The following TOX3 variants were observed in gnomAD, a reference collection of about 807,000 sequenced individuals.
TOX3 encodes the protein CAG trinucleotide repeat-containing gene F9 protein.
Under a neutral mutation model 64.3 loss-of-function variants are expected in TOX3, and 22 were observed. The ratio of observed to expected loss-of-function variants is 0.34; its 90% confidence interval spans 0.24 to 0.49. The LOEUF is 0.49. Ranked by LOEUF, TOX3 falls within the 20% of genes least tolerant of loss-of-function variation. TOX3 has a pLI of 0.99. For missense variants in TOX3, 661 were observed against 714.4 expected (o/e 0.93, Z 0.85); for synonymous variants, 291 against 273.6 (o/e 1.06, Z -0.63).
intron 1 of TOX3, among the ~76,000 whole-genome samples, chr16:52,525,596 G>A (rs1230382939): frequency 6.6e-6 from 1 of 152,150 alleles, no homozygotes; most frequent in Non-Finnish European, 1.5e-5. Flanking sequence ...ACTAAAAAGA[G>A]GGGCTCATCT....
At chr16:52,470,095 A>T (rs1960995746) in intron 1 of TOX3, among the ~76,000 whole-genome samples, 1 of 152,242 alleles carries the variant, frequency 6.6e-6, no homozygotes, top group Non-Finnish European at 1.5e-5. Context: ...GATATCAGAA[A>T]CATGTGCATG....
chr16:52,512,526 G>A (rs560204971), intron 1 of TOX3, among the ~76,000 whole-genome samples: 61 of 152,346 alleles, frequency 4.0e-4, no homozygotes, highest in African/African-American at 1.3e-3. Context: ...ATGTGCTTAA[G>A]ATGCAGTTAG....
At chr16:52,477,303 A>G (rs1416011822) in intron 1 of TOX3, among the ~76,000 whole-genome samples, 4 of 152,222 alleles carry the variant, frequency 2.6e-5, no homozygotes, top group African/African-American at 9.6e-5. Flanking sequence ...TTGAAGGCTA[A>G]CCTAAATATT....
intron 1 of TOX3, among the ~76,000 whole-genome samples, chr16:52,518,650 A>G (rs998036244): frequency 2.6e-5 from 4 of 152,262 alleles, no homozygotes; most frequent in African/African-American, 9.6e-5. Flanking sequence ...TCAGCAATGT[A>G]TTTCTTAAAT....
In TOX3 at chr16:52,446,137, G is replaced by C. The variant is rs749427716; in HGVS notation, c.763C>G (p.Pro255Ala). 6.2e-7 allele frequency: 1 copy of C among 1,613,954 alleles called. No homozygotes were observed. The highest frequency in any genetic ancestry group is 2.2e-5 in the East Asian group (1 of 44,878). The part of the protein sequence containing the change: ...KKKKKKDPNE[P>A]QKPVSAYALF... ...GCATATGCTGACACTGGCTTCTGTG[G>C]CTCATTGGGATCTTTCTTTTTCTTT... The change falls in exon 5 of 7, where the codon CCA becomes GCA. Residue 255 changes from proline (P) to alanine (A), a missense_variant. Pro to Ala is a conservative substitution (Grantham distance 27). Transcript: ENST00000219746.
At chr16:52,443,737 C>T (rs904805371) in intron 6 of TOX3, among the ~76,000 whole-genome samples, 1 of 152,134 alleles carries the variant, frequency 6.6e-6, no homozygotes, top group Non-Finnish European at 1.5e-5. Context: ...TATTTTATAA[C>T]ACACCAGGGT....
At chr16:52,464,428 T>G (rs1437743270) in intron 2 of TOX3, among the ~76,000 whole-genome samples, 2 of 152,196 alleles carry the variant, frequency 1.3e-5, no homozygotes, top group Middle Eastern at 6.3e-3. Flanking sequence ...ATTAACAGTT[T>G]TTTAATGCCT....
At chr16:52,509,473 A>C (rs531515584) in intron 1 of TOX3, among the ~76,000 whole-genome samples, 11 of 152,376 alleles carry the variant, frequency 7.2e-5, no homozygotes, top group African/African-American at 2.2e-4. Context: ...TCTTCAGCAT[A>C]GTTCTAAAAG....
chr16:52,482,355 T>C (rs1437027257), intron 1 of TOX3, among the ~76,000 whole-genome samples: 2 of 152,206 alleles, frequency 1.3e-5, no homozygotes, highest in Non-Finnish European at 2.9e-5. Context: ...GATGTGATTA[T>C]ACAGCAATTT....
chr16:52,443,757 ACT>A (rs1960075091), intron 6 of TOX3, among the ~76,000 whole-genome samples: 1 of 152,066 alleles, frequency 6.6e-6, no homozygotes, highest in Non-Finnish European at 1.5e-5. Context: ...TCCACTGTAT[ACT>A]CTCTATATAA....
chr16:52,495,162 T>C (rs1442724043), intron 1 of TOX3, among the ~76,000 whole-genome samples: 1 of 152,160 alleles, frequency 6.6e-6, no homozygotes. Context: ...GACAAAGCAA[T>C]GTAACAAAAC....
At chr16:52,536,834 G>GT (rs1962959432) in intron 1 of TOX3, among the ~76,000 whole-genome samples, 1 of 150,194 alleles carries the variant, frequency 6.7e-6, no homozygotes, top group Non-Finnish European at 1.5e-5. Flanking sequence ...GAAGTGCAGT[G>GT]GTGTGTGTGT....
chr16:52,457,074 G>T (rs1029122514), intron 3 of TOX3, among the ~76,000 whole-genome samples: 2 of 152,094 alleles, frequency 1.3e-5, no homozygotes, highest in Admixed American at 6.5e-5. Context: ...GATAAAACTT[G>T]CTCTAATTTC....
intron 1 of TOX3, among the ~76,000 whole-genome samples, chr16:52,485,054 C>T (rs78593025): frequency 0.42 from 48,490 of 115,854 alleles, 8,446 homozygotes; most frequent in African/African-American, 0.56. Context: ...TATATATATA[C>T]ACACACACAA....
intron 4 of TOX3, 141 bp downstream of exon 4, chr16:52,450,136 A>G: frequency 9.7e-7 from 1 of 1,026,050 alleles, no homozygotes; most frequent in Non-Finnish European, 1.4e-6. Flanking sequence ...AAGAGTGAAG[A>G]AAAACAACAA....
rs527826267 is a variant in TOX3 at position 52,497,263 on chromosome 16, G to A, written c.88-28689C>T. On this transcript the variant is annotated intron_variant, in intron 1 of 6. Transcript: ENST00000219746. Reference sequence around the variant, plus strand: ...TTATTGTTTGTACAACTGTAACTAAGTACATTACCAACCAGTTGTTCAATC... The same window carrying A: ...TTATTGTTTGTACAACTGTAACTAAATACATTACCAACCAGTTGTTCAATC... Among the ~76,000 whole-genome samples, 4 of 152,258 alleles carry A rather than the reference G, an allele frequency of 2.6e-5. No homozygotes were observed. The East Asian group carries it at 7.7e-4, about 29-fold the overall frequency.
At chr16:52,479,489 T>C (rs904062880) in intron 1 of TOX3, among the ~76,000 whole-genome samples, 1 of 152,196 alleles carries the variant, frequency 6.6e-6, no homozygotes, top group Non-Finnish European at 1.5e-5. Context: ...TGAGGCATAA[T>C]TTTCAGAAGG....
At chr16:52,487,995 G>C (rs867667493) in intron 1 of TOX3, among the ~76,000 whole-genome samples, 3 of 152,264 alleles carry the variant, frequency 2.0e-5, no homozygotes, top group South Asian at 2.1e-4. Flanking sequence ...CCTTTCATCT[G>C]AGGTCCTATC....
chr16:52,482,780 C>CA (rs1961403283), intron 1 of TOX3, among the ~76,000 whole-genome samples: 1 of 152,006 alleles, frequency 6.6e-6, no homozygotes, highest in African/African-American at 2.4e-5. Context: ...TTATTCCTAA[C>CA]AAAAAAGAAT....
Sources: allele counts gnomAD v4.1 joint callset (sites outside exome capture counted in the v4.1 genomes callset), GRCh38; gene constraint gnomAD v4.1.1; transcripts MANE v1.5; gene names NCBI Gene and HGNC (gene_info 2026-07-23, HGNC 2026-07-21).